The following PRKCB variants were observed in gnomAD, a reference collection of about 807,000 sequenced individuals.
PRKCB encodes protein kinase C beta.
PRKCB carries 13 observed loss-of-function variants against 81.5 expected under a neutral mutation model. The ratio of observed to expected loss-of-function variants is 0.16; its 90% CI spans 0.10 to 0.25. PRKCB has a LOEUF of 0.25. Among genes scored for constraint, PRKCB ranks in the 10% least tolerant of loss-of-function variants. The pLI, the probability that PRKCB is intolerant of heterozygous loss-of-function variation, is 1.00. For missense variants in PRKCB, 509 were observed against 875.7 expected, an observed-to-expected ratio of 0.58 and a Z score of 5.29; for synonymous variants, 335 against 321.4, an observed-to-expected ratio of 1.04 and a Z score of -0.45.
rs1968242807 is a variant in PRKCB, at chr16:24,217,214, T to C, written c.*2398T>C. The stretch of plus-strand genomic sequence containing the variant: ...GTGTTATAAATACTGCACTCAACAT[T>C]TTCCAAATTCTTGCCATTATTTTTC... On this transcript the variant is annotated 3_prime_UTR_variant, in exon 17 of 17. Transcript: ENST00000643927. 2.0e-6 allele frequency: 2 copies of C among 985,094 alleles called. No homozygotes were observed. The allele number at this position is 985,094 out of a possible 1,614,324, so 61.0% of individuals were successfully genotyped here. A position where few individuals can be genotyped will look rare whatever the true frequency, so the allele number is the denominator to read the frequency against.
chr16:24,207,559 AATATT>A (rs1480360481), intron 16 of PRKCB, among the ~76,000 whole-genome samples: 1 of 152,212 alleles, frequency 6.6e-6, no homozygotes, highest in Non-Finnish European at 1.5e-5. Flanking sequence ...TATGTCATTT[AATATT>A]CTTCTACATC....
In PRKCB at chr16:24,185,502, A is replaced by G. The variant is rs749084012; in HGVS notation, c.1657A>G (p.Ile553Val). Reference protein sequence around the residue: ...GEDEDELFQSIMEHNVAYPKS... With the variant: ...GEDEDELFQSVMEHNVAYPKS... ...GGATGAAGATGAACTCTTCCAATCC[A>G]TCATGGAACACAACGTAGCCTATCC... Residue 553 changes from isoleucine to valine, a missense_variant, in exon 15 of 17, where the codon ATC becomes GTC. Physicochemically the swap from Ile to Val is conservative, Grantham distance 29. Coordinates refer to ENST00000643927, the MANE Select transcript of PRKCB (RefSeq NM_002738.7). 1.2e-6 allele frequency: 2 copies of G among 1,614,174 alleles called. No individual in the cohort carries two copies. Among genetic ancestry groups the G allele is most frequent in the Non-Finnish European group, 1.7e-6 (2 of 1,180,000 alleles).
chr16:23,903,577 A>G (rs2141724998), intron 2 of PRKCB, among the ~76,000 whole-genome samples: 1 of 152,246 alleles, frequency 6.6e-6, no homozygotes, highest in South Asian at 2.1e-4. Flanking sequence ...GCTGGGAGGG[A>G]AGAGAGTATT....
intron 2 of PRKCB, among the ~76,000 whole-genome samples, chr16:23,876,843 C>A (rs189894559): frequency 6.6e-6 from 1 of 152,272 alleles, no homozygotes; most frequent in Non-Finnish European, 1.5e-5. Context: ...CTGGAATTTT[C>A]TTTTTTTCTG....
At chr16:24,142,604 G>A (rs1966917449) in intron 9 of PRKCB, among the ~76,000 whole-genome samples, 1 of 152,204 alleles carries the variant, frequency 6.6e-6, no homozygotes, top group Non-Finnish European at 1.5e-5. Context: ...TGTGGCCCAA[G>A]CATCGGCTTC....
chr16:24,127,496 CAT>C (rs1387970587), intron 9 of PRKCB, among the ~76,000 whole-genome samples: 1 of 142,002 alleles, frequency 7.0e-6, no homozygotes, highest in Non-Finnish European at 1.5e-5. Context: ...GCTAATTTAA[CAT>C]TTTTTATTCT....
chr16:24,072,464 G>T (rs1172960195), intron 5 of PRKCB, among the ~76,000 whole-genome samples: 1 of 151,940 alleles, frequency 6.6e-6, no homozygotes, highest in South Asian at 2.1e-4. Context: ...TAAAGATGGG[G>T]GTCTCCAACT....
Position 24,215,404 on chromosome 16 carries a change from C to G in PRKCB, c.*588C>G, listed in dbSNP as rs1968210579. The G allele has an allele frequency of 4.1e-6, 4 of 985,910 alleles. No individual in the cohort carries two copies. Among genetic ancestry groups the G allele is most frequent in the Non-Finnish European group, 4.8e-6 (4 of 830,108 alleles). The allele number at this position is 985,910 out of a possible 1,614,324, so 61.1% of individuals were successfully genotyped here. ...GAATGTGCTTTTAGACGGTCTCAATCTAAAAGCACTTCAAGGGGTCAAAGG... is the reference window on the plus strand; with the variant it reads ...GAATGTGCTTTTAGACGGTCTCAATGTAAAAGCACTTCAAGGGGTCAAAGG... On this transcript the variant is annotated 3_prime_UTR_variant, in exon 17 of 17. Coordinates refer to ENST00000643927, the MANE Select transcript of PRKCB (RefSeq NM_002738.7).
At chr16:24,036,210 C>CTGGTGG (rs71154268) in intron 5 of PRKCB, among the ~76,000 whole-genome samples, 14 of 151,094 alleles carry the variant, frequency 9.3e-5, no homozygotes, top group Non-Finnish European at 1.6e-4. Flanking sequence ...GGAGGAGCTG[C>CTGGTGG]TGGTGGTGGT....
At chr16:23,965,823 C>T (rs1483391608) in intron 2 of PRKCB, among the ~76,000 whole-genome samples, 1 of 152,232 alleles carries the variant, frequency 6.6e-6, no homozygotes, top group Non-Finnish European at 1.5e-5. Context: ...TTCTCTTCTT[C>T]ACCAACTGCC....
intron 3 of PRKCB, among the ~76,000 whole-genome samples, chr16:24,029,991 T>C (rs1452594438): frequency 1.3e-5 from 2 of 152,198 alleles, no homozygotes; most frequent in Non-Finnish European, 2.9e-5. Flanking sequence ...CCTTGAATTC[T>C]TGGGCTCAAG....
intron 2 of PRKCB, among the ~76,000 whole-genome samples, chr16:23,887,069 T>TCTTTCTCTCTCTTTCTTTCCTTCTTG (rs1963214826): frequency 3.3e-5 from 5 of 152,200 alleles, no homozygotes; most frequent in Non-Finnish European, 5.9e-5. Flanking sequence ...TTTCCTTCTT[T>TCTTTCTCTCTCTTTCTTTCCTTCTTG]CTTTCTCTCT....
intron 10 of PRKCB, among the ~76,000 whole-genome samples, chr16:24,162,466 T>G (rs1387658572): frequency 1.5e-5 from 2 of 135,392 alleles, no homozygotes; most frequent in African/African-American, 3.2e-5. Context: ...TTTTTTTTTT[T>G]GAGACAGGAT....
intron 12 of PRKCB, among the ~76,000 whole-genome samples, chr16:24,177,081 A>G (rs920416998): frequency 1.3e-5 from 2 of 152,192 alleles, no homozygotes; most frequent in Non-Finnish European, 2.9e-5. Flanking sequence ...CTACTAAAAT[A>G]GAACCAACTG....
intron 5 of PRKCB, among the ~76,000 whole-genome samples, chr16:24,073,680 C>T (rs1199313502): frequency 6.6e-6 from 1 of 152,138 alleles, no homozygotes; most frequent in Non-Finnish European, 1.5e-5. Flanking sequence ...CATCCCCTAG[C>T]CCCTAAGCCA....
chr16:23,895,100 T>A (rs1963356627), intron 2 of PRKCB, among the ~76,000 whole-genome samples: 1 of 152,194 alleles, frequency 6.6e-6, no homozygotes, highest in African/African-American at 2.4e-5. Context: ...TTCTGGTGTA[T>A]TTCATGATCA....
intron 2 of PRKCB, among the ~76,000 whole-genome samples, chr16:23,983,360 C>A (rs1281951609): frequency 1.3e-5 from 2 of 152,284 alleles, no homozygotes; most frequent in Admixed American, 1.3e-4. Flanking sequence ...AGCTTCTCTG[C>A]ACATCATGCT....
chr16:24,044,320 T>C (rs574994517), intron 5 of PRKCB, among the ~76,000 whole-genome samples: 83 of 152,204 alleles, frequency 5.5e-4, no homozygotes, highest in African/African-American at 1.9e-3. Context: ...GATCAGGTCA[T>C]TCATGCACTA....
At chr16:23,994,295 C>T (rs1246365241) in intron 3 of PRKCB, among the ~76,000 whole-genome samples, 2 of 152,162 alleles carry the variant, frequency 1.3e-5, no homozygotes, top group African/African-American at 4.8e-5. Context: ...TACAGTGGAT[C>T]CAGTGAGTCC....
Sources: allele counts gnomAD v4.1 joint callset (sites outside exome capture counted in the v4.1 genomes callset), GRCh38; gene constraint gnomAD v4.1.1; transcripts MANE v1.5; gene names NCBI Gene and HGNC (gene_info 2026-07-23, HGNC 2026-07-21).